The following DTNB variants were observed in gnomAD, a reference collection of about 807,000 sequenced individuals.
DTNB encodes DTN-B.
In DTNB, 63 loss-of-function variants were observed where a neutral mutation model predicts 90.7. The observed-to-expected ratio is 0.69, with a 90% CI of 0.57 to 0.86. The LOEUF (loss-of-function observed/expected upper bound fraction) is 0.86, where lower values mean the gene tolerates loss of function less well. Among genes scored for constraint, DTNB ranks in the 40% least tolerant of loss-of-function variants. The probability of loss-of-function intolerance (pLI) is 0.00; values close to 1 mark genes in which losing one functional copy is unlikely to be tolerated. For synonymous variants in DTNB, 277 were observed against 286.7 expected, an observed-to-expected ratio of 0.97 and a Z score of 0.34; for missense variants, 744 against 807.1, an observed-to-expected ratio of 0.92 and a Z score of 0.95.
At chr2:25,624,072 G>T (rs1444541702) in intron 4 of DTNB, among the ~76,000 whole-genome samples, 1 of 152,118 alleles carries the variant, frequency 6.6e-6, no homozygotes, top group African/African-American at 2.4e-5. Context: ...CCTACTATTT[G>T]CAGGCTTCAT....
chr2:25,452,348 T>C (rs942438790), intron 11 of DTNB, among the ~76,000 whole-genome samples: 2 of 152,254 alleles, frequency 1.3e-5, no homozygotes, highest in Non-Finnish European at 1.5e-5. Context: ...GATGCTGATA[T>C]GGAACTTCTG....
chr2:25,653,515 C>CTT (rs1179518465), intron 1 of DTNB, among the ~76,000 whole-genome samples: 12 of 62,230 alleles, frequency 1.9e-4, no homozygotes, highest in African/African-American at 2.7e-4. Flanking sequence ...TTCTTTCTTT[C>CTT]TTTTTTTTTT....
At chr2:25,502,645 C>A (rs2071035631) in intron 9 of DTNB, among the ~76,000 whole-genome samples, 2 of 151,690 alleles carry the variant, frequency 1.3e-5, no homozygotes, top group South Asian at 4.2e-4. Context: ...GCACTTTGGG[C>A]AGCCAAGGTG....
intron 10 of DTNB, among the ~76,000 whole-genome samples, chr2:25,473,443 A>C (rs2063176070): frequency 6.6e-6 from 1 of 152,196 alleles, no homozygotes; most frequent in Non-Finnish European, 1.5e-5. Context: ...AAAAGCCCCA[A>C]AGCATGTGTG....
chr2:25,437,284 C>G (rs1388540694), intron 12 of DTNB, among the ~76,000 whole-genome samples: 1 of 149,080 alleles, frequency 6.7e-6, no homozygotes, highest in African/African-American at 2.5e-5. Flanking sequence ...TTTTTTGAGA[C>G]AGAATCTTGC....
chr2:25,485,771 G>A (rs1429410376), intron 9 of DTNB, among the ~76,000 whole-genome samples: 1 of 151,950 alleles, frequency 6.6e-6, no homozygotes, highest in East Asian at 1.9e-4. Context: ...TTCTTAGAAG[G>A]CATAACATGG....
chr2:25,667,946 A>T (rs1189332935), intron 1 of DTNB, among the ~76,000 whole-genome samples: 1 of 152,230 alleles, frequency 6.6e-6, no homozygotes. Flanking sequence ...CGGCGCTAAA[A>T]AGAAATGAGC....
intron 6 of DTNB, among the ~76,000 whole-genome samples, chr2:25,591,150 C>G (rs1457151969): frequency 6.6e-5 from 10 of 152,176 alleles, no homozygotes; most frequent in Non-Finnish European, 2.9e-5. Context: ...GCAGCGGGAG[C>G]AGGGAGATGC....
chr2:25,460,535 C>G (rs898595443), intron 10 of DTNB, among the ~76,000 whole-genome samples: 1 of 152,060 alleles, frequency 6.6e-6, no homozygotes, highest in African/African-American at 2.4e-5. Context: ...TGTGGAAAAA[C>G]TTGCAAAGGA....
intron 10 of DTNB, among the ~76,000 whole-genome samples, chr2:25,465,258 C>T (rs1374058950): frequency 1.3e-5 from 2 of 151,928 alleles, no homozygotes; most frequent in Admixed American, 6.6e-5. Flanking sequence ...CGCCTGTAGT[C>T]CCAGCTACTC....
intron 12 of DTNB, among the ~76,000 whole-genome samples, chr2:25,446,383 C>T (rs2058431654): frequency 6.6e-6 from 1 of 151,968 alleles, no homozygotes; most frequent in South Asian, 2.1e-4. Context: ...ACTACAGGCA[C>T]ATGCCACCAC....
At chr2:25,571,862 G>A (rs965035129) in intron 8 of DTNB, among the ~76,000 whole-genome samples, 3 of 150,700 alleles carry the variant, frequency 2.0e-5, no homozygotes, top group East Asian at 1.9e-4. Context: ...GCTGAGAAGC[G>A]ATATATATAT....
At chr2:25,448,904 G>A in intron 12 of DTNB, among the ~76,000 whole-genome samples, 1 of 149,036 alleles carries the variant, frequency 6.7e-6, no homozygotes, top group East Asian at 2.0e-4. Flanking sequence ...TTTGACAAAT[G>A]TACACTCCTG....
At chr2:25,437,595 T>TAAGAAG (rs772306059) in intron 12 of DTNB, among the ~76,000 whole-genome samples, 1 of 151,880 alleles carries the variant, frequency 6.6e-6, no homozygotes, top group African/African-American at 2.4e-5. Context: ...TAGTGCTCAT[T>TAAGAAG]AAGAAGAAGA....
chr2:25,633,753 A>G (rs2076330112), intron 3 of DTNB, among the ~76,000 whole-genome samples: 1 of 149,870 alleles, frequency 6.7e-6, no homozygotes, highest in African/African-American at 2.5e-5. Flanking sequence ...CCATCTAGGA[A>G]GTGAGGAAGT....
chr2:25,580,094 G>GTCA (rs1445039193), intron 7 of DTNB, among the ~76,000 whole-genome samples: 1 of 144,864 alleles, frequency 6.9e-6, no homozygotes, highest in Admixed American at 7.3e-5. Flanking sequence ...CAATTCTCCT[G>GTCA]CCTCAGCCTC....
At chr2:25,443,356 C>T (rs556920814) in intron 12 of DTNB, among the ~76,000 whole-genome samples, 18 of 152,266 alleles carry the variant, frequency 1.2e-4, no homozygotes, top group African/African-American at 4.3e-4. Flanking sequence ...TCACAGAGCT[C>T]CATCATCTTA....
intron 8 of DTNB, among the ~76,000 whole-genome samples, chr2:25,564,241 G>C (rs2058676968): frequency 6.6e-6 from 1 of 152,116 alleles, no homozygotes; most frequent in African/African-American, 2.4e-5. Context: ...TCAGTTTATG[G>C]GGTTATGCAG....
At position 25,482,842 on chromosome 2, in the gene DTNB, T is replaced by G. The variant is rs1293280542; in HGVS notation, c.1033A>C (p.Thr345Pro). The G allele has an allele frequency of 6.2e-7, 1 of 1,612,326 alleles. No individual in the cohort carries two copies. Among genetic ancestry groups the G allele is most frequent in the Non-Finnish European group, 8.5e-7 (1 of 1,179,474 alleles). Residue 345 changes from threonine (T) to proline (P), a missense_variant, in exon 10 of 21, where the codon ACC becomes CCC. Thr to Pro is a conservative substitution (Grantham distance 38). Transcript: ENST00000406818. ...PPRPLTNMND[T>P]MVSHMSSGVP... Reference sequence around the variant, plus strand: ...CCAGAGGACATGTGGCTAACCATGGTGTCATTCATATTAGTCAGAGGGCGA... The same window carrying G: ...CCAGAGGACATGTGGCTAACCATGGGGTCATTCATATTAGTCAGAGGGCGA...
Sources: allele counts gnomAD v4.1 joint callset (sites outside exome capture counted in the v4.1 genomes callset), GRCh38; gene constraint gnomAD v4.1.1; transcripts MANE v1.5; gene names NCBI Gene and HGNC (gene_info 2026-07-23, HGNC 2026-07-21).